Variants in HOOK3 observed in about 807,000 individuals in gnomAD.
HOOK3 encodes the protein protein Hook homolog 3.
In HOOK3, 24 loss-of-function variants were observed where a neutral mutation model predicts 116.3. The ratio of observed to expected loss-of-function variants is 0.21; its 90% CI spans 0.15 to 0.29. The LOEUF (loss-of-function observed/expected upper bound fraction) is 0.29, where lower values mean the gene tolerates loss of function less well. HOOK3 is among the 10% of genes least tolerant of loss of function. The pLI, the probability that HOOK3 is intolerant of heterozygous loss-of-function variation, is 1.00. For missense variants in HOOK3, 632 were observed against 830.2 expected (o/e 0.76, Z 2.93); for synonymous variants, 275 against 283.0 (o/e 0.97, Z 0.28).
At chr8:42,942,495 C>G (rs539623206) in intron 4 of HOOK3, among the ~76,000 whole-genome samples, 9 of 152,316 alleles carry the variant, frequency 5.9e-5, no homozygotes, top group African/African-American at 2.2e-4. Flanking sequence ...CAGGGAAAAC[C>G]ATGATTCCCA....
At chr8:42,926,041 C>T (rs1434004233) in intron 3 of HOOK3, among the ~76,000 whole-genome samples, 1 of 152,148 alleles carries the variant, frequency 6.6e-6, no homozygotes, top group Non-Finnish European at 1.5e-5. Flanking sequence ...TCATTATTAA[C>T]TGTATCGTAA....
intron 13 of HOOK3, among the ~76,000 whole-genome samples, chr8:42,974,597 G>A (rs1249559042): frequency 1.3e-5 from 2 of 152,210 alleles, no homozygotes; most frequent in Non-Finnish European, 1.5e-5. Context: ...ACATGATTGT[G>A]CTGATAGATA....
rs566480560 is a variant in HOOK3, at chr8:42,975,060, A to G, written c.1321+866A>G. On this transcript the variant is annotated intron_variant, in intron 13 of 21. Transcript: ENST00000307602. ...ACGGGAAGGGGTGGCTCTGGGGTGG[A>G]CAAGCAGCGGGCTGGGGAGAGGCGG... 1.3e-4 allele frequency among the ~76,000 whole-genome samples: 20 copies of G among 152,200 alleles called. 1 individual carries two copies. The South Asian group carries it at 4.2e-3, about 32-fold the overall frequency.
rs532326155 is a variant in HOOK3 at position 42,980,970 on chromosome 8, G to C, written c.1322-1657G>C. Among the ~76,000 whole-genome samples, 325 of 152,174 alleles carry C rather than the reference G, an allele frequency of 2.1e-3. 1 individual carries two copies. Among genetic ancestry groups the C allele is most frequent in the African/African-American group, 7.6e-3 (317 of 41,550 alleles). On this transcript the variant is annotated intron_variant, in intron 13 of 21. Coordinates refer to ENST00000307602, the MANE Select transcript of HOOK3 (RefSeq NM_032410.4). ...CCCTGTGTTGCCTCGGGACTCTGCA[G>C]AGAGTCCCCACCAGCAGGCAGGCTC...
intron 5 of HOOK3, among the ~76,000 whole-genome samples, chr8:42,944,175 G>A (rs1472212444): frequency 6.6e-6 from 1 of 152,102 alleles, no homozygotes; most frequent in Non-Finnish European, 1.5e-5. Context: ...AGCACTTTGG[G>A]AGGCCACGGT....
intron 2 of HOOK3, among the ~76,000 whole-genome samples, chr8:42,916,235 A>G (rs1270887670): frequency 2.0e-5 from 3 of 152,214 alleles, no homozygotes; most frequent in Non-Finnish European, 2.9e-5. Context: ...TCCAGAAAAT[A>G]TTTGTTGAAT....
At chr8:42,922,000 C>T (rs978149325) in intron 2 of HOOK3, among the ~76,000 whole-genome samples, 3 of 152,040 alleles carry the variant, frequency 2.0e-5, no homozygotes, top group African/African-American at 7.2e-5. Context: ...CTTAATAACA[C>T]AAAAGAACCT....
chr8:42,979,147 C>T (rs976022157), intron 13 of HOOK3, among the ~76,000 whole-genome samples: 1 of 152,084 alleles, frequency 6.6e-6, no homozygotes, highest in African/African-American at 2.4e-5. Context: ...TGGCTCATGC[C>T]TGTAGTCCCA....
intron 4 of HOOK3, among the ~76,000 whole-genome samples, chr8:42,938,698 T>TTTA (rs565019470): frequency 6.7e-6 from 1 of 149,712 alleles, no homozygotes; most frequent in African/African-American, 2.5e-5. Context: ...AATGCTTTTC[T>TTTA]TTTATTTATT....
At position 43,020,189 on chromosome 8, in the gene HOOK3, C is replaced by T. The variant is rs915235141; in HGVS notation, c.*1691C>T. On this transcript the variant is annotated 3_prime_UTR_variant, in exon 22 of 22. Transcript: ENST00000307602. ...AGCCATACATTGTGCTAATTTTTTACATTAAGTACAGAAGTCTGAGCACAG... is the reference window on the plus strand; with the variant it reads ...AGCCATACATTGTGCTAATTTTTTATATTAAGTACAGAAGTCTGAGCACAG... The T allele has an allele frequency of 1.0e-5, 2 of 198,718 alleles. No homozygotes were observed. Among genetic ancestry groups the T allele is most frequent in the Non-Finnish European group, 2.1e-5 (2 of 96,226 alleles). 12.3% of individuals were successfully genotyped at this position (198,718 alleles called of 1,614,324 possible). A position where few individuals can be genotyped will look rare whatever the true frequency, so the allele number is the denominator to read the frequency against.
At chr8:42,925,465 A>G (rs1277861167) in intron 2 of HOOK3, 92 bp from the exon 3 acceptor site, 1 of 779,750 alleles carries the variant, frequency 1.3e-6, no homozygotes, top group Non-Finnish European at 2.1e-6. Context: ...TTTATGTTGC[A>G]GTTAAGTGAT....
chr8:42,999,756 A>G (rs1451323367), intron 16 of HOOK3, among the ~76,000 whole-genome samples: 2 of 152,194 alleles, frequency 1.3e-5, no homozygotes, highest in Non-Finnish European at 2.9e-5. Flanking sequence ...ATCCAGCCAT[A>G]TGGATAATTT....
At chr8:42,985,735 C>T (rs898955857) in intron 14 of HOOK3, among the ~76,000 whole-genome samples, 3 of 148,760 alleles carry the variant, frequency 2.0e-5, no homozygotes, top group African/African-American at 7.4e-5. Flanking sequence ...ACAGAGACCC[C>T]GTCTCAAAAA....
intron 17 of HOOK3, among the ~76,000 whole-genome samples, chr8:43,007,518 AT>A (rs1328685339): frequency 2.0e-5 from 3 of 152,122 alleles, no homozygotes; most frequent in African/African-American, 7.2e-5. Context: ...GTTAATTCTT[AT>A]TTTTAGAACT....
intron 21 of HOOK3, among the ~76,000 whole-genome samples, chr8:43,014,203 T>G (rs57180588): frequency 0.024 from 3,565 of 149,148 alleles, 143 homozygotes; most frequent in African/African-American, 0.084. Context: ...GGAGAATCGC[T>G]TGAACTTGGG....
intron 2 of HOOK3, among the ~76,000 whole-genome samples, chr8:42,913,934 C>T (rs1807482558): frequency 6.6e-6 from 1 of 151,984 alleles, no homozygotes; most frequent in African/African-American, 2.4e-5. Context: ...GTAGTTAGTT[C>T]TTGGTGAGCC....
In HOOK3 at chr8:42,971,773, C is replaced by T. The variant is rs1296636247; in HGVS notation, c.1123-1516C>T. 2.0e-5 allele frequency among the ~76,000 whole-genome samples: 3 copies of T among 151,938 alleles called. No homozygotes were observed. The South Asian group carries it at 6.2e-4, about 32-fold the overall frequency. Reference sequence around the variant, plus strand: ...TCAGCTCACTGCAACCTCCACCTCCCGGGTTCAAGCAATTCTCCTGCCACA... The same window carrying T: ...TCAGCTCACTGCAACCTCCACCTCCTGGGTTCAAGCAATTCTCCTGCCACA... On this transcript the variant is annotated intron_variant, in intron 11 of 21. Transcript: ENST00000307602.
chr8:43,030,456 A>G lies in HOOK3; in HGVS notation c.*11958A>G, dbSNP rs1431138005. The G allele has an allele frequency of 1.1e-5, 2 of 176,920 alleles. No individual in the cohort carries two copies. The highest frequency in any genetic ancestry group is 2.4e-5 in the African/African-American group (1 of 42,250). The allele number at this position is 176,920 out of a possible 1,614,324, so 11.0% of individuals were successfully genotyped here. ...AGATTTGGTCAAACTATATTTTCCC[A>G]TTCAAGTACAAAAATGTTTTCAAGG... On this transcript the variant is annotated 3_prime_UTR_variant, in exon 22 of 22. Coordinates refer to ENST00000307602, the MANE Select transcript of HOOK3 (RefSeq NM_032410.4).
At chr8:43,002,001 C>A in intron 16 of HOOK3, 106 bp from the exon 17 acceptor site, 1 of 709,540 alleles carries the variant, frequency 1.4e-6, no homozygotes, top group Non-Finnish European at 2.4e-6. Flanking sequence ...AAACAAATTA[C>A]TGAAAGCTCA....
Sources: allele counts gnomAD v4.1 joint callset (sites outside exome capture counted in the v4.1 genomes callset), GRCh38; gene constraint gnomAD v4.1.1; transcripts MANE v1.5; gene names NCBI Gene and HGNC (gene_info 2026-07-23, HGNC 2026-07-21).